Variants in COL21A1 observed in about 807,000 individuals in gnomAD.
COL21A1 encodes collagen alpha-1(XXI) chain.
COL21A1 carries 149 observed loss-of-function variants against 137.9 expected under a neutral mutation model. That is an observed-to-expected ratio of 1.08 (90% CI 0.95 to 1.24). COL21A1 has a LOEUF of 1.24. Among genes scored for constraint, COL21A1 ranks in the 50% most tolerant of loss-of-function variants. COL21A1 has a pLI of 0.00. For missense variants in COL21A1, 1,167 were observed against 1,158.4 expected (o/e 1.01, Z -0.11); for synonymous variants, 456 against 391.5 (o/e 1.16, Z -1.95).
At chr6:56,135,666 C>T (rs1457150342) in intron 12 of COL21A1, among the ~76,000 whole-genome samples, 1 of 152,134 alleles carries the variant, frequency 6.6e-6, no homozygotes, top group Non-Finnish European at 1.5e-5. Flanking sequence ...TTCTTACAGT[C>T]TTATTGGTAA....
chr6:56,294,065 A>G (rs1764112246), intron 1 of COL21A1, among the ~76,000 whole-genome samples: 1 of 152,180 alleles, frequency 6.6e-6, no homozygotes, highest in Non-Finnish European at 1.5e-5. Flanking sequence ...AATTTAGTTG[A>G]ACCAGAACTG....
intron 23 of COL21A1, 25 bp from the exon 24 acceptor site, chr6:56,064,647 T>G (rs1766089528): frequency 2.0e-6 from 3 of 1,522,126 alleles, no homozygotes; most frequent in Middle Eastern, 1.7e-4. Flanking sequence ...AAAACATTAT[T>G]GATTAGTTTG....
At chr6:56,258,152 T>G (rs1319150259) in intron 1 of COL21A1, among the ~76,000 whole-genome samples, 1 of 152,182 alleles carries the variant, frequency 6.6e-6, no homozygotes, top group Non-Finnish European at 1.5e-5. Flanking sequence ...TCAGAAACTT[T>G]GGAGTTTCTG....
At chr6:56,392,801 T>A (rs2094032266) in intron 1 of COL21A1, among the ~76,000 whole-genome samples, 1 of 152,046 alleles carries the variant, frequency 6.6e-6, no homozygotes, top group Admixed American at 6.5e-5. Flanking sequence ...AAGTAAGAGA[T>A]CTCTACAATG....
chr6:56,276,807 GT>G (rs367712707), intron 1 of COL21A1: 4 of 908,918 alleles, frequency 4.4e-6, no homozygotes, highest in Non-Finnish European at 5.2e-6. Flanking sequence ...TGTTTTTTTT[GT>G]TTTTTTTGTT....
chr6:56,126,056 A>G, intron 13 of COL21A1, 40 bp downstream of exon 13: 1 of 1,262,940 alleles, frequency 7.9e-7, no homozygotes, highest in East Asian at 2.6e-5. Context: ...TGAATTAAAA[A>G]ATGGCTTTGC....
chr6:56,082,969 T>G (rs980384795), intron 17 of COL21A1, among the ~76,000 whole-genome samples: 4 of 139,960 alleles, frequency 2.9e-5, no homozygotes, highest in Non-Finnish European at 3.1e-5. Flanking sequence ...TAAATCCCAT[T>G]TTCTTATAAA....
intron 1 of COL21A1, among the ~76,000 whole-genome samples, chr6:56,262,394 C>T (rs867811901): frequency 1.2e-4 from 18 of 152,078 alleles, no homozygotes; most frequent in African/African-American, 4.1e-4. Flanking sequence ...TTATATTTAA[C>T]CCTCACAATA....
chr6:56,297,534 G>T (rs1582763640), intron 1 of COL21A1, among the ~76,000 whole-genome samples: 1 of 152,010 alleles, frequency 6.6e-6, no homozygotes, highest in Admixed American at 6.6e-5. Context: ...TGTGTAAAGG[G>T]TACTTAAAAA....
intron 1 of COL21A1, among the ~76,000 whole-genome samples, chr6:56,253,656 C>T (rs1355684431): frequency 1.3e-5 from 2 of 152,118 alleles, no homozygotes; most frequent in Admixed American, 6.5e-5. Flanking sequence ...GAGTCTCTGT[C>T]GCTCTCAACC....
At chr6:56,074,871 G>A (rs1767072990) in intron 19 of COL21A1, among the ~76,000 whole-genome samples, 1 of 151,186 alleles carries the variant, frequency 6.6e-6, no homozygotes, top group African/African-American at 2.4e-5. Context: ...CAAAGGAAAA[G>A]GGATTAAAAA....
intron 10 of COL21A1, among the ~76,000 whole-genome samples, chr6:56,153,275 C>T (rs1169836138): frequency 6.6e-6 from 1 of 152,110 alleles, no homozygotes; most frequent in Non-Finnish European, 1.5e-5. Flanking sequence ...TATTTCAGTG[C>T]TATCAGCTTG....
intron 21 of COL21A1, among the ~76,000 whole-genome samples, chr6:56,070,200 A>G (rs1465611454): frequency 6.6e-6 from 1 of 151,400 alleles, no homozygotes; most frequent in African/African-American, 2.4e-5. Flanking sequence ...ACTAAAGATC[A>G]CTCTCTTTTT....
intron 1 of COL21A1, among the ~76,000 whole-genome samples, chr6:56,268,289 C>T (rs1038149586): frequency 1.3e-5 from 2 of 152,190 alleles, no homozygotes; most frequent in African/African-American, 4.8e-5. Flanking sequence ...AGTAGCCCCA[C>T]AGCCCGGAAC....
intron 17 of COL21A1, among the ~76,000 whole-genome samples, chr6:56,084,628 T>C (rs971780610): frequency 3.3e-5 from 5 of 152,034 alleles, no homozygotes; most frequent in African/African-American, 9.6e-5. Flanking sequence ...AAATATACAA[T>C]ACATAATAAT....
intron 1 of COL21A1, chr6:56,276,601 G>T: frequency 7.1e-7 from 1 of 1,412,870 alleles, no homozygotes; most frequent in African/African-American, 1.4e-5. Flanking sequence ...GAACGCCAGG[G>T]TATTCTGGCA....
intron 1 of COL21A1, among the ~76,000 whole-genome samples, chr6:56,328,470 G>A (rs953642912): frequency 1.3e-5 from 2 of 151,920 alleles, no homozygotes; most frequent in African/African-American, 4.8e-5. Flanking sequence ...CAACTGAAAG[G>A]TGTTACAATT....
intron 16 of COL21A1, among the ~76,000 whole-genome samples, chr6:56,116,855 G>C (rs1162614059): frequency 6.6e-6 from 1 of 151,974 alleles, no homozygotes; most frequent in Non-Finnish European, 1.5e-5. Context: ...TTGCTTGTTT[G>C]TTTGTTTATG....
chr6:56,166,587 G>A (rs967328623), intron 7 of COL21A1, among the ~76,000 whole-genome samples: 2 of 152,080 alleles, frequency 1.3e-5, no homozygotes. Flanking sequence ...AGACGCGGAG[G>A]TTGCAGTGAC....
Sources: gnomAD v4.1 joint callset for allele counts (sites outside exome capture counted in the v4.1 genomes callset) on GRCh38, gnomAD v4.1.1 for gene constraint, MANE v1.5 for transcripts, NCBI Gene and HGNC (gene_info 2026-07-23, HGNC 2026-07-21) for gene names.